Variants in MAPK13 observed in about 807,000 individuals in gnomAD.
MAPK13 encodes mitogen-activated protein kinase 13.
In MAPK13, 39 loss-of-function variants were observed where a neutral mutation model predicts 53.5. That is an observed-to-expected ratio of 0.73 (90% CI 0.56 to 0.95). MAPK13 has a LOEUF of 0.95. Ranked by LOEUF, MAPK13 falls within the 40% of genes least tolerant of loss-of-function variation. The pLI is 0.00. For missense variants in MAPK13, 460 were observed against 471.8 expected (o/e 0.98, Z 0.23); for synonymous variants, 179 against 190.9 (o/e 0.94, Z 0.51).
intron 2 of MAPK13, among the ~76,000 whole-genome samples, chr6:36,131,830 A>G (rs999007025): frequency 1.3e-5 from 2 of 152,172 alleles, no homozygotes; most frequent in Non-Finnish European, 2.9e-5. Context: ...CTCATGATAT[A>G]TGAGTACTAC....
At position 36,136,480 on chromosome 6, in the gene MAPK13, C is replaced by T; in HGVS notation, c.448-4C>T. On this transcript the variant is annotated splice_polypyrimidine_tract_variant and splice_region_variant and intron_variant, in intron 5 of 11. Transcript: ENST00000211287. The stretch of plus-strand genomic sequence containing the variant: ...CTAGCATGCATTCTCTGTCCTCCCC[C>T]CAGGACCTGAAGCCAGGCAACCTGG... The T allele has an allele frequency of 6.3e-7, 1 of 1,592,674 alleles. No homozygotes were observed. Among genetic ancestry groups the T allele is most frequent in the Non-Finnish European group, 8.5e-7 (1 of 1,170,476 alleles).
chr6:36,136,834 G>C, intron 7 of MAPK13, 45 bp from the exon 8 acceptor site: 3 of 1,611,102 alleles, frequency 1.9e-6, no homozygotes, highest in Non-Finnish European at 2.5e-6. Context: ...CTGACTGACT[G>C]CTGGGCCCCA....
rs1296784717 is a variant in MAPK13, at chr6:36,136,883, C to T, written c.615C>T (p.Asp205=). The T allele has an allele frequency of 6.2e-7, 1 of 1,614,162 alleles. No homozygotes were observed. Among genetic ancestry groups the T allele is most frequent in the South Asian group, 1.1e-5 (1 of 91,082 alleles). ...LSWMHYNQTV[D]IWSVGCIMAE... Reference sequence around the variant, plus strand: ...ACACTCTCCCTCCCTCTGCAGTGGACATCTGGTCTGTGGGCTGTATCATGG... The same window carrying T: ...ACACTCTCCCTCCCTCTGCAGTGGATATCTGGTCTGTGGGCTGTATCATGG... The change falls in exon 8 of 12, where the codon GAC becomes GAT. Residue 205 remains aspartate, a synonymous_variant. Transcript: ENST00000211287.
intron 2 of MAPK13, 105 bp from the exon 3 acceptor site, chr6:36,132,516 G>T (rs1280367525): frequency 2.1e-5 from 20 of 943,926 alleles, no homozygotes; most frequent in Non-Finnish European, 3.5e-5. Flanking sequence ...GCTGGAGGTG[G>T]TGTATTAGGA....
chr6:36,131,211 G>C (rs962386317), intron 1 of MAPK13, 60 bp from the exon 2 acceptor site: 3 of 1,569,650 alleles, frequency 1.9e-6, no homozygotes, highest in African/African-American at 1.3e-5. Context: ...GGGTCAGGGC[G>C]GTCTGGGAGA....
chr6:36,138,980 G>C lies in MAPK13; in HGVS notation c.943G>C (p.Glu315Gln). The C allele has an allele frequency of 6.2e-7, 1 of 1,613,900 alleles. No homozygotes were observed. Among genetic ancestry groups the C allele is most frequent in the Non-Finnish European group, 8.5e-7 (1 of 1,179,946 alleles). ...CTTCTTTGAACCCTTCCGGGACCCTGAGGAAGAGACGGAGGCCCAGCAGCC... is the reference window on the plus strand; with the variant it reads ...CTTCTTTGAACCCTTCCGGGACCCTCAGGAAGAGACGGAGGCCCAGCAGCC... ...HPFFEPFRDP[E>Q]EETEAQQPFD... is the part of the protein sequence containing the mutation. The change falls in exon 11 of 12, where the codon GAG (glutamate) becomes CAG (glutamine). Residue 315 changes from glutamate (E) to glutamine (Q), a missense_variant. Coordinates refer to ENST00000211287, the MANE Select transcript of MAPK13 (RefSeq NM_002754.5).
intron 3 of MAPK13, among the ~76,000 whole-genome samples, chr6:36,133,740 T>C (rs1766363256): frequency 1.3e-5 from 2 of 152,344 alleles, no homozygotes; most frequent in Admixed American, 1.3e-4. Flanking sequence ...CGATGGGTTA[T>C]AGCTGACACC....
At position 36,130,539 on chromosome 6, in the gene MAPK13, G is replaced by T. The variant is rs13208708; in HGVS notation, c.-44G>T. Reference sequence around the variant, plus strand: ...GGGCGCTGGGAGCCCGTTGGGCCGCGAACGCAGCCGCCACGCTGGGGCCGC... The same window carrying T: ...GGGCGCTGGGAGCCCGTTGGGCCGCTAACGCAGCCGCCACGCTGGGGCCGC... On this transcript the variant is annotated 5_prime_UTR_variant, in exon 1 of 12. Transcript: ENST00000211287. The surrounding 1 kb of genome is among the most constrained non-coding windows in gnomAD (Gnocchi z 4.5). 1 of 1,080,302 alleles carries T rather than the reference G, an allele frequency of 9.3e-7. No homozygotes were observed. The highest frequency in any genetic ancestry group is 1.4e-5 in the South Asian group (1 of 71,184). 66.9% of individuals were successfully genotyped at this position (1,080,302 alleles called of 1,614,324 possible).
Position 36,138,738 on chromosome 6 carries a change from A to G in MAPK13, c.799A>G (p.Arg267Gly). 6.2e-7 allele frequency: 1 copy of G among 1,614,106 alleles called. No homozygotes were observed. The highest frequency in any genetic ancestry group is 8.5e-7 in the Non-Finnish European group (1 of 1,180,004). Reference sequence around the variant, plus strand: ...CATCCAGTCCCTGCCACAGACCCCCAGGAAGGATTTCACTCAGCTGTTCCC... The same window carrying G: ...CATCCAGTCCCTGCCACAGACCCCCGGGAAGGATTTCACTCAGCTGTTCCC... ...SYIQSLPQTP[R>G]KDFTQLFPRA... The change falls in exon 10 of 12, where the codon AGG becomes GGG. Residue 267 changes from arginine (R) to glycine (G), a missense_variant. Transcript: ENST00000211287.
chr6:36,143,628 T>A lies in MAPK13; in HGVS notation c.*4255T>A, dbSNP rs1022786374. Reference sequence around the variant, plus strand: ...CTTAAATTTGAACAATTCCCTAAGATCTAATGCTGGGAGGCTCCCCTTCCT... The same window carrying A: ...CTTAAATTTGAACAATTCCCTAAGAACTAATGCTGGGAGGCTCCCCTTCCT... On this transcript the variant is annotated 3_prime_UTR_variant, in exon 12 of 12. Transcript: ENST00000211287. 6.6e-6 allele frequency: 1 copy of A among 152,182 alleles called. No homozygotes were observed. The highest frequency in any genetic ancestry group is 2.4e-5 in the African/African-American group (1 of 41,436). 9.4% of individuals were successfully genotyped at this position (152,182 alleles called of 1,614,324 possible).
Position 36,138,864 on chromosome 6 carries a change from G to T in MAPK13, c.842-15G>T. On this transcript the variant is annotated splice_polypyrimidine_tract_variant and intron_variant, in intron 10 of 11. Coordinates refer to ENST00000211287, the MANE Select transcript of MAPK13 (RefSeq NM_002754.5). ...CCCAGCCCCTGGTGTGAGGCTCTTG[G>T]CTCTGCCCCTGCAGCTGCGGACCTG... 6.2e-7 allele frequency: 1 copy of T among 1,611,156 alleles called. No individual in the cohort carries two copies. The highest frequency in any genetic ancestry group is 8.5e-7 in the Non-Finnish European group (1 of 1,178,496).
At position 36,131,305 on chromosome 6, in the gene MAPK13, GCCAT is replaced by G; in HGVS notation, c.156_159del (p.Ile53ArgfsTer3). 3.1e-6 allele frequency: 5 copies of G among 1,613,834 alleles called. No homozygotes were observed. Among genetic ancestry groups the G allele is most frequent in the Non-Finnish European group, 4.2e-6 (5 of 1,179,908 alleles). ...CGACAAGCGGTCAGGGGAGAAGGTG[GCCAT>G]CAAGAAGCTGAGCCGACCCTTTCAG... is the stretch of plus-strand genomic sequence containing the variant. On this transcript the variant is annotated frameshift_variant, in exon 2 of 12. Transcript: ENST00000211287. LOFTEE classifies it high-confidence loss of function.
Position 36,135,953 on chromosome 6 carries a change from G to A in MAPK13, c.418-66G>A, listed in dbSNP as rs184759004. On this transcript the variant is annotated intron_variant, in intron 4 of 11. Transcript: ENST00000211287. Reference sequence around the variant, plus strand: ...TGGAGGGAGCGCACTGTTACAGGTCGGCCAGCCTGAAGTGCCTGGTGTGGA... The same window carrying A: ...TGGAGGGAGCGCACTGTTACAGGTCAGCCAGCCTGAAGTGCCTGGTGTGGA... 2,288 of 1,605,490 alleles carry A rather than the reference G, an allele frequency of 1.4e-3. 25 individuals carry two copies. Among genetic ancestry groups the A allele is most frequent in the East Asian group, 0.011 (514 of 44,848 alleles).
rs1401578454 is a variant in MAPK13, at chr6:36,130,878, A to T, written c.119+177A>T. 1 of 511,462 alleles carries T rather than the reference A, an allele frequency of 2.0e-6. No homozygotes were observed. Among genetic ancestry groups the T allele is most frequent in the Non-Finnish European group, 3.5e-6 (1 of 289,318 alleles). 31.7% of individuals were successfully genotyped at this position (511,462 alleles called of 1,614,324 possible). Reference sequence around the variant, plus strand: ...CCTTTTCTCACCGAGTGGCTGAGTGAGGTCTCTGGGGGTTGAGTTGGGACT... The same window carrying T: ...CCTTTTCTCACCGAGTGGCTGAGTGTGGTCTCTGGGGGTTGAGTTGGGACT... On this transcript the variant is annotated intron_variant, in intron 1 of 11. Coordinates refer to ENST00000211287, the MANE Select transcript of MAPK13 (RefSeq NM_002754.5). This position sits in a 1 kb window ranked among gnomAD's most constrained non-coding sequence, Gnocchi z 4.5.
At chr6:36,131,899 A>ATAACC (rs1473438948) in intron 2 of MAPK13, among the ~76,000 whole-genome samples, 1 of 152,220 alleles carries the variant, frequency 6.6e-6, no homozygotes, top group Non-Finnish European at 1.5e-5. Context: ...TTAGATGGTT[A>ATAACC]GTCAGTAGCA....
chr6:36,135,556 C>A (rs938373021), intron 3 of MAPK13, among the ~76,000 whole-genome samples, 197 bp from the exon 4 acceptor site: 1 of 152,210 alleles, frequency 6.6e-6, no homozygotes, highest in Non-Finnish European at 1.5e-5. Context: ...GCCAGCTGGG[C>A]GGCCCGCCAC....
At chr6:36,131,871 C>T (rs755862707) in intron 2 of MAPK13, among the ~76,000 whole-genome samples, 1 of 152,190 alleles carries the variant, frequency 6.6e-6, no homozygotes, top group Non-Finnish European at 1.5e-5. Context: ...GAAACTAAAG[C>T]ACAGCAAGGC....
chr6:36,130,780 C>T lies in MAPK13; in HGVS notation c.119+79C>T. 1.3e-6 allele frequency: 1 copy of T among 749,326 alleles called. No individual in the cohort carries two copies. The highest frequency in any genetic ancestry group is 3.6e-5 in the Admixed American group (1 of 28,094). 46.4% of individuals were successfully genotyped at this position (749,326 alleles called of 1,614,324 possible). ...TCCGCCCAGCCCGCCCTGGGCTGGCCCCTCGCCAGCGCCACCTTGACCGCG... is the reference window on the plus strand; with the variant it reads ...TCCGCCCAGCCCGCCCTGGGCTGGCTCCTCGCCAGCGCCACCTTGACCGCG... On this transcript the variant is annotated intron_variant, in intron 1 of 11. Coordinates refer to ENST00000211287, the MANE Select transcript of MAPK13 (RefSeq NM_002754.5). This position sits in a 1 kb window ranked among gnomAD's most constrained non-coding sequence, Gnocchi z 4.5.
At chr6:36,137,130 G>A (rs917210119) in intron 8 of MAPK13, among the ~76,000 whole-genome samples, 180 bp downstream of exon 8, 1 of 152,182 alleles carries the variant, frequency 6.6e-6, no homozygotes, top group Non-Finnish European at 1.5e-5. Context: ...AGCACTTTGG[G>A]AGGCTGAGGT....
Sources: gnomAD v4.1 joint callset for allele counts (sites outside exome capture counted in the v4.1 genomes callset) on GRCh38, gnomAD v4.1.1 for gene constraint, Gnocchi (gnomAD v3.1) non-coding constraint, MANE v1.5 for transcripts, NCBI Gene and HGNC (gene_info 2026-07-23, HGNC 2026-07-21) for gene names.